Variants in BCO1 observed in about 807,000 individuals in gnomAD.
BCO1 encodes the protein beta-carotene oxygenase 1, also known as beta,beta-carotene 15,15'-dioxygenase.
A neutral mutation model predicts 56.3 loss-of-function variants in BCO1; 54 were observed. That is an observed-to-expected ratio of 0.96 (90% CI 0.77 to 1.20). BCO1 has a LOEUF of 1.20. Among genes scored for constraint, BCO1 ranks in the 50% most tolerant of loss-of-function variants. The probability of loss-of-function intolerance (pLI) is 0.00; values close to 1 mark genes in which losing one functional copy is unlikely to be tolerated. For missense variants in BCO1, 801 were observed against 690.9 expected, an observed-to-expected ratio of 1.16 and a Z score of -1.79; for synonymous variants, 318 against 266.1, an observed-to-expected ratio of 1.20 and a Z score of -1.90.
intron 1 of BCO1, among the ~76,000 whole-genome samples, chr16:81,243,750 C>T (rs1006043987): frequency 6.6e-6 from 1 of 152,102 alleles, no homozygotes; most frequent in Non-Finnish European, 1.5e-5. Flanking sequence ...TTCAGGTATG[C>T]CTCGGCATGC....
intron 9 of BCO1, 107 bp from the exon 10 acceptor site, chr16:81,287,187 TC>T (rs751377529): frequency 1.2e-5 from 10 of 860,498 alleles, no homozygotes; most frequent in Non-Finnish European, 1.8e-5. Flanking sequence ...AAAGTCTACA[TC>T]CGATGGGCTT....
At chr16:81,260,726 C>G (rs925625237) in intron 3 of BCO1, among the ~76,000 whole-genome samples, 53 of 152,142 alleles carry the variant, frequency 3.5e-4, no homozygotes, top group Non-Finnish European at 6.9e-4. Flanking sequence ...TCAGGCTGGT[C>G]TTGAACTCCT....
intron 4 of BCO1, chr16:81,262,781 T>A (rs1196447597): frequency 9.5e-6 from 2 of 209,458 alleles, no homozygotes; most frequent in Non-Finnish European, 1.9e-5. Flanking sequence ...GAGCCCAGAT[T>A]GCACCACTGC....
intron 2 of BCO1, among the ~76,000 whole-genome samples, chr16:81,250,939 A>G (rs1375029347): frequency 6.6e-6 from 1 of 152,150 alleles, no homozygotes; most frequent in Admixed American, 6.6e-5. Flanking sequence ...CATAGTCCTC[A>G]AAGATAGCGT....
intron 7 of BCO1, among the ~76,000 whole-genome samples, chr16:81,273,511 G>C (rs1053609099): frequency 1.3e-5 from 2 of 152,088 alleles, no homozygotes; most frequent in Non-Finnish European, 2.9e-5. Flanking sequence ...TTTGAACTGA[G>C]GTTTGTCTGA....
At chr16:81,245,389 C>A in intron 1 of BCO1, 86 bp from the exon 2 acceptor site, 2 of 1,598,798 alleles carry the variant, frequency 1.3e-6, no homozygotes, top group South Asian at 2.2e-5. Flanking sequence ...GGGACCACAA[C>A]TCTCAAATTC....
At chr16:81,283,244 T>C (rs1907982184) in intron 8 of BCO1, among the ~76,000 whole-genome samples, 1 of 152,124 alleles carries the variant, frequency 6.6e-6, no homozygotes, top group Non-Finnish European at 1.5e-5. Flanking sequence ...GATTCACACC[T>C]ATAATCCCAG....
intron 8 of BCO1, among the ~76,000 whole-genome samples, chr16:81,283,904 G>A (rs970111571): frequency 6.6e-6 from 1 of 151,522 alleles, no homozygotes; most frequent in African/African-American, 2.4e-5. Context: ...ACACATTTAC[G>A]GCCAAGCACG....
rs139655280 is a variant in BCO1, at chr16:81,270,177, G to A, written c.862G>A (p.Asp288Asn). The change falls in exon 7 of 11, where the codon GAC becomes AAC. Residue 288 changes from aspartate to asparagine, a missense_variant. Physicochemically the swap from Asp to Asn is conservative, Grantham distance 23. Transcript: ENST00000258168. ...REEKTYIHIIDQRTRQPVQTK... is the reference protein window; with the variant it reads ...REEKTYIHIINQRTRQPVQTK... ...TTTTCAGACTTATATCCACATCATC[G>A]ACCAAAGGACCAGGCAGCCTGTGCA... 4.8e-5 allele frequency: 77 copies of A among 1,614,064 alleles called. No homozygotes were observed. In the Middle Eastern group the frequency reaches 6.6e-4, roughly 14 times the overall value.
intron 10 of BCO1, among the ~76,000 whole-genome samples, chr16:81,289,756 T>A (rs1350560432): frequency 6.6e-6 from 1 of 152,026 alleles, no homozygotes; most frequent in East Asian, 1.9e-4. Flanking sequence ...CCCTGTGGAG[T>A]GTAGGTGAGA....
chr16:81,286,693 A>C (rs1271723190), intron 9 of BCO1, among the ~76,000 whole-genome samples: 2 of 152,086 alleles, frequency 1.3e-5, no homozygotes, highest in Non-Finnish European at 2.9e-5. Context: ...CTATATTAAA[A>C]AATAATAATA....
intron 7 of BCO1, among the ~76,000 whole-genome samples, chr16:81,270,776 G>A (rs914754603): frequency 3.4e-5 from 5 of 145,208 alleles, no homozygotes; most frequent in African/African-American, 7.5e-5. Context: ...ACGTAGTCTC[G>A]CTCTGTCACC....
chr16:81,264,430 G>T (rs1906681793), intron 4 of BCO1, among the ~76,000 whole-genome samples: 1 of 152,180 alleles, frequency 6.6e-6, no homozygotes. Context: ...GTTGTATAAG[G>T]TCACAAGAGT....
chr16:81,246,767 C>T (rs1905443350), intron 2 of BCO1, among the ~76,000 whole-genome samples: 1 of 149,818 alleles, frequency 6.7e-6, no homozygotes, highest in South Asian at 2.1e-4. Context: ...ACGAGAATTG[C>T]TTGAACCCAG....
At chr16:81,280,527 G>C (rs191259806) in intron 7 of BCO1, among the ~76,000 whole-genome samples, 1 of 152,098 alleles carries the variant, frequency 6.6e-6, no homozygotes, top group Admixed American at 6.5e-5. Flanking sequence ...CTTTTTATAG[G>C]TGAATCATCT....
In BCO1 at chr16:81,290,604, G is replaced by A. The variant is rs1464767787; in HGVS notation, c.*27G>A. 1.3e-6 allele frequency: 2 copies of A among 1,571,228 alleles called. No individual in the cohort carries two copies. ...GGTGTTGGGGTTTGGGTAGGGGAGGGGAGCTCGGCTGTCAGAACTCCATGG... is the reference window on the plus strand; with the variant it reads ...GGTGTTGGGGTTTGGGTAGGGGAGGAGAGCTCGGCTGTCAGAACTCCATGG... On this transcript the variant is annotated 3_prime_UTR_variant, in exon 11 of 11. Transcript: ENST00000258168.
chr16:81,267,914 A>AGAAGCAG lies in BCO1; in HGVS notation c.628_634dup (p.Gly212GlufsTer41). ...TTGCTTTTTGTCTTGCTAGAGGGCA[A>AGAAGCAG]GAAGCAGGGGAAGAGCCCCTGGAAG... On this transcript the variant is annotated frameshift_variant, in exon 6 of 11. Coordinates refer to ENST00000258168, the MANE Select transcript of BCO1 (RefSeq NM_017429.3). LOFTEE classifies it high-confidence loss of function. 1 of 1,613,802 alleles carries AGAAGCAG rather than the reference A, an allele frequency of 6.2e-7. No individual in the cohort carries two copies. The highest frequency in any genetic ancestry group is 8.5e-7 in the Non-Finnish European group (1 of 1,179,984).
intron 7 of BCO1, among the ~76,000 whole-genome samples, chr16:81,277,564 C>T (rs377245045): frequency 6.6e-6 from 1 of 152,138 alleles, no homozygotes; most frequent in Admixed American, 6.6e-5. Flanking sequence ...TATGAATCAC[C>T]ACCCCGATTT....
rs146685123 is a variant in BCO1 at position 81,261,114 on chromosome 16, G to A, written c.324-1022G>A. ...GGAGTAGGAGCCAGTGAGAAAGGAG[G>A]AGGAAAGAGCAAAGGAATTTAAAAC... On this transcript the variant is annotated intron_variant, in intron 3 of 10. Coordinates refer to ENST00000258168, the MANE Select transcript of BCO1 (RefSeq NM_017429.3). Among the ~76,000 whole-genome samples, 976 of 152,296 alleles carry A rather than the reference G, an allele frequency of 6.4e-3. 24 individuals are homozygous for A. Among genetic ancestry groups the A allele is most frequent in the Admixed American group, 0.03 (453 of 15,278 alleles).
Sources: allele counts gnomAD v4.1 joint callset (sites outside exome capture counted in the v4.1 genomes callset), GRCh38; gene constraint gnomAD v4.1.1; transcripts MANE v1.5; gene names NCBI Gene and HGNC (gene_info 2026-07-23, HGNC 2026-07-21).